The following TET2 variants were observed in gnomAD, a reference collection of about 807,000 sequenced individuals.
TET2 encodes methylcytosine dioxygenase TET2.
A neutral mutation model predicts 142.9 loss-of-function variants in TET2; 299 were observed. The observed-to-expected ratio is 2.09, with a 90% CI of 1.90 to 2.30. TET2 has a LOEUF of 2.30. Ranked by LOEUF, TET2 falls within the 30% of genes most tolerant of loss-of-function variation. The pLI, the probability that TET2 is intolerant of heterozygous loss-of-function variation, is 0.00. For synonymous variants in TET2, 819 were observed against 849.0 expected (o/e 0.96, Z 0.61); for missense variants, 2,418 against 2,378.0 (o/e 1.02, Z -0.35).
chr4:105,259,005 G>A (rs1730285203), intron 6 of TET2, among the ~76,000 whole-genome samples: 1 of 152,036 alleles, frequency 6.6e-6, no homozygotes. Context: ...TGATTTGGAT[G>A]GATATCCCAA....
intron 8 of TET2, 38 bp from the exon 9 acceptor site, chr4:105,269,572 T>G: frequency 1.3e-6 from 2 of 1,548,086 alleles, no homozygotes; most frequent in Non-Finnish European, 8.7e-7. Flanking sequence ...AGAGTAAAAC[T>G]AACTACTTTC....
intron 2 of TET2, among the ~76,000 whole-genome samples, chr4:105,215,029 G>A (rs563886937): frequency 1.3e-5 from 2 of 152,156 alleles, no homozygotes; most frequent in East Asian, 1.9e-4. Context: ...TTTAATCTAC[G>A]GGGTCTGACA....
In TET2 at chr4:105,255,693, CTT is replaced by C. The variant is rs973214662; in HGVS notation, c.3804-3922_3804-3921del. 7.9e-5 allele frequency among the ~76,000 whole-genome samples: 12 copies of C among 152,070 alleles called. No homozygotes were observed. The South Asian group carries it at 2.1e-3, about 26-fold the overall frequency. Reference sequence around the variant, plus strand: ...TGTTACATCATTTTAATGGCTTGAACTTTTTATTATAAAATGTGTATATCTTG... The same window carrying C: ...TGTTACATCATTTTAATGGCTTGAACTTTATTATAAAATGTGTATATCTTG... On this transcript the variant is annotated intron_variant, in intron 6 of 10. Coordinates refer to ENST00000380013, the MANE Select transcript of TET2 (RefSeq NM_001127208.3).
In TET2 at chr4:105,276,847, C is replaced by CCT. The variant is rs373064690; in HGVS notation, c.*329_*330insTC. 9.0e-6 allele frequency: 2 copies of CCT among 221,762 alleles called. No individual in the cohort carries two copies. The highest frequency in any genetic ancestry group is 2.5e-5 in the African/African-American group (1 of 39,292). The allele number at this position is 221,762 out of a possible 1,614,324, so 13.7% of individuals were successfully genotyped here. ...TGATATGTAAATGTGATCCCCCCCC[C>CCT]CCGCTTACAACTCTACACATCTGTG... is the stretch of plus-strand genomic sequence containing the variant. On this transcript the variant is annotated 3_prime_UTR_variant, in exon 11 of 11. Coordinates refer to ENST00000380013, the MANE Select transcript of TET2 (RefSeq NM_001127208.3).
intron 1 of TET2, among the ~76,000 whole-genome samples, chr4:105,155,851 T>A (rs985178254): frequency 6.6e-5 from 10 of 152,230 alleles, no homozygotes; most frequent in Admixed American, 2.0e-4. Context: ...GAATTTTACT[T>A]TTTAAGAGTA....
intron 6 of TET2, among the ~76,000 whole-genome samples, chr4:105,244,905 T>C (rs1729512723): frequency 6.6e-6 from 1 of 152,224 alleles, no homozygotes; most frequent in African/African-American, 2.4e-5. Context: ...TCTTACAAGT[T>C]ATTTTGCCCA....
At chr4:105,258,284 C>A (rs1364121949) in intron 6 of TET2, among the ~76,000 whole-genome samples, 1 of 141,578 alleles carries the variant, frequency 7.1e-6, no homozygotes, top group African/African-American at 2.5e-5. Flanking sequence ...CCTTATTCTG[C>A]CATTTTTGCT....
At chr4:105,214,361 C>T (rs1056082692) in intron 2 of TET2, among the ~76,000 whole-genome samples, 1 of 134,726 alleles carries the variant, frequency 7.4e-6, no homozygotes, top group Admixed American at 8.4e-5. Flanking sequence ...GGCTGGAGTG[C>T]AGTGGTGTGA....
At chr4:105,231,495 T>C (rs964444668) in intron 2 of TET2, among the ~76,000 whole-genome samples, 1 of 152,308 alleles carries the variant, frequency 6.6e-6, no homozygotes, top group Non-Finnish European at 1.5e-5. Flanking sequence ...GATGCTCTTA[T>C]AAATCAAGGC....
intron 2 of TET2, among the ~76,000 whole-genome samples, chr4:105,222,298 C>G: frequency 6.6e-6 from 1 of 152,196 alleles, no homozygotes; most frequent in East Asian, 1.9e-4. Context: ...ACACTGACTT[C>G]CACAATGGTT....
intron 2 of TET2, among the ~76,000 whole-genome samples, chr4:105,227,875 A>G (rs1392549052): frequency 6.6e-6 from 1 of 152,138 alleles, no homozygotes; most frequent in Non-Finnish European, 1.5e-5. Flanking sequence ...ATATCTACAA[A>G]AATTCATCTT....
intron 2 of TET2, among the ~76,000 whole-genome samples, chr4:105,192,766 T>C (rs1398279621): frequency 6.6e-6 from 1 of 152,110 alleles, no homozygotes; most frequent in East Asian, 1.9e-4. Flanking sequence ...AAATGTATAA[T>C]ATAGTAAATA....
intron 3 of TET2, chr4:105,240,554 T>C: frequency 4.6e-6 from 5 of 1,079,372 alleles, no homozygotes; most frequent in Non-Finnish European, 5.7e-6. Flanking sequence ...TACCCCACAC[T>C]GTGTAGAAGG....
rs1170178696 is a variant in TET2, at chr4:105,227,156, A to G, written c.-46-6741A>G. The stretch of plus-strand genomic sequence containing the variant: ...CCCATAAGAGCATCTCCTGAGGAAT[A>G]TGTTAAAAACTGTATTCATTCTTAA... On this transcript the variant is annotated intron_variant, in intron 2 of 10. Coordinates refer to ENST00000380013, the MANE Select transcript of TET2 (RefSeq NM_001127208.3). Among the ~76,000 whole-genome samples, 48 of 152,204 alleles carry G rather than the reference A, an allele frequency of 3.2e-4. 1 individual carries two copies. The highest frequency in any genetic ancestry group is 3.0e-3 in the Admixed American group (45 of 15,248).
chr4:105,236,129 AAC>A lies in TET2; in HGVS notation c.2191_2192del (p.Gln731ThrfsTer22). ...ATAAGCCTCATAAACAGGCAGCACA[AAC>A]ACAACCATCCCAGAGTTCACATCTC... ...QHKPHKQAAQ[T>X]QPSQSSHLPQ... is the part of the protein sequence containing the mutation. On this transcript the variant is annotated frameshift_variant, in exon 3 of 11. Transcript: ENST00000380013. LOFTEE classifies it high-confidence loss of function. 6.2e-7 allele frequency: 1 copy of A among 1,614,154 alleles called. No homozygotes were observed.
At chr4:105,273,526 A>G (rs761348265) in intron 10 of TET2, among the ~76,000 whole-genome samples, 4 of 152,150 alleles carry the variant, frequency 2.6e-5, no homozygotes, top group Non-Finnish European at 5.9e-5. Flanking sequence ...AGATATAGCA[A>G]AATGATGCAA....
At chr4:105,186,623 C>T (rs1725473217) in intron 1 of TET2, among the ~76,000 whole-genome samples, 1 of 151,982 alleles carries the variant, frequency 6.6e-6, no homozygotes, top group African/African-American at 2.4e-5. Flanking sequence ...AGGCTTGCAC[C>T]ACCATGCCTG....
At chr4:105,152,263 G>A (rs1157524636) in intron 1 of TET2, among the ~76,000 whole-genome samples, 1 of 152,042 alleles carries the variant, frequency 6.6e-6, no homozygotes, top group Non-Finnish European at 1.5e-5. Flanking sequence ...CCTGGGCGAG[G>A]CAGAGAGACT....
chr4:105,175,875 C>G (rs1428181290), intron 1 of TET2, among the ~76,000 whole-genome samples: 1 of 151,998 alleles, frequency 6.6e-6, no homozygotes, highest in Non-Finnish European at 1.5e-5. Flanking sequence ...TCTGACATAT[C>G]CTCATAAACC....
Sources: gnomAD v4.1 joint callset for allele counts (sites outside exome capture counted in the v4.1 genomes callset) on GRCh38, gnomAD v4.1.1 for gene constraint, MANE v1.5 for transcripts, NCBI Gene and HGNC (gene_info 2026-07-23, HGNC 2026-07-21) for gene names.